The following RBM46 variants were observed in gnomAD, a reference collection of about 807,000 sequenced individuals.
The protein encoded by RBM46 is probable RNA-binding protein 46.
In RBM46, 12 loss-of-function variants were observed where a neutral mutation model predicts 43.3. The ratio of observed to expected loss-of-function variants is 0.28; its 90% CI spans 0.18 to 0.45. The LOEUF (loss-of-function observed/expected upper bound fraction) is 0.45, where lower values mean the gene tolerates loss of function less well. RBM46 is among the 20% of genes least tolerant of loss of function. The probability of loss-of-function intolerance (pLI) is 1.00; values close to 1 mark genes in which losing one functional copy is unlikely to be tolerated. For synonymous variants in RBM46, 205 were observed against 207.6 expected, an observed-to-expected ratio of 0.99 and a Z score of 0.11; for missense variants, 412 against 639.1, an observed-to-expected ratio of 0.64 and a Z score of 3.83.
Position 154,799,556 on chromosome 4 carries a change from T to G in RBM46, c.1394T>G (p.Leu465Arg). The G allele has an allele frequency of 6.5e-7, 1 of 1,537,384 alleles. No individual in the cohort carries two copies. The highest frequency in any genetic ancestry group is 1.3e-5 in the South Asian group (1 of 77,748). Residue 465 changes from leucine (L) to arginine (R), a missense_variant, in exon 4 of 5, where the codon CTT (leucine) becomes CGT (arginine). Physicochemically the swap from Leu to Arg is moderately radical, Grantham distance 102. Transcript: ENST00000281722. ...AKELAAQFTLLHLDYNFHRSS... is the reference protein window; with the variant it reads ...AKELAAQFTLRHLDYNFHRSS... ...GAACTGGCAGCCCAGTTTACATTAC[T>G]TCATTTGGGTAAGTTTAAAAATACT...
intron 4 of RBM46, among the ~76,000 whole-genome samples, chr4:154,820,971 A>G (rs956823999): frequency 2.0e-5 from 3 of 151,814 alleles, no homozygotes; most frequent in East Asian, 1.9e-4. Context: ...TCTAGGATGT[A>G]ATTCATGTAC....
At chr4:154,817,406 C>T (rs1560911437) in intron 4 of RBM46, among the ~76,000 whole-genome samples, 1 of 149,652 alleles carries the variant, frequency 6.7e-6, no homozygotes, top group Non-Finnish European at 1.5e-5. Context: ...GATCTCGGCT[C>T]ACTGCAACCT....
chr4:154,782,823 G>C (rs1317353852), intron 1 of RBM46, among the ~76,000 whole-genome samples: 1 of 152,178 alleles, frequency 6.6e-6, no homozygotes, highest in Non-Finnish European at 1.5e-5. Flanking sequence ...CTGATTTTGT[G>C]TTTGAGAATG....
intron 4 of RBM46, among the ~76,000 whole-genome samples, chr4:154,807,049 C>T (rs904120356): frequency 1.3e-5 from 2 of 151,810 alleles, no homozygotes; most frequent in Non-Finnish European, 3.0e-5. Flanking sequence ...ATAGCAGCTA[C>T]TGCTGTATTA....
intron 4 of RBM46, chr4:154,826,957 T>A: frequency 1.5e-6 from 2 of 1,314,926 alleles, no homozygotes; most frequent in Non-Finnish European, 1.9e-6. Context: ...CTTCCATTCC[T>A]AGAAACACCA....
chr4:154,807,013 A>G (rs1334806091), intron 4 of RBM46, among the ~76,000 whole-genome samples: 1 of 151,798 alleles, frequency 6.6e-6, no homozygotes, highest in Non-Finnish European at 1.5e-5. Flanking sequence ...CGGTCCTAAA[A>G]TACTCCTTCT....
Position 154,828,183 on chromosome 4 carries a change from T to G in RBM46, c.*116T>G. ...TGCATATTTGGTTTTAAAAAGGTAT[T>G]TATTCCAAAGTACTAAACATCAGCT... On this transcript the variant is annotated 3_prime_UTR_variant, in exon 5 of 5. Coordinates refer to ENST00000281722, the MANE Select transcript of RBM46 (RefSeq NM_144979.5). 1.3e-6 allele frequency: 1 copy of G among 754,956 alleles called. No individual in the cohort carries two copies. Among genetic ancestry groups the G allele is most frequent in the Non-Finnish European group, 2.2e-6 (1 of 450,352 alleles). 46.8% of individuals were successfully genotyped at this position (754,956 alleles called of 1,614,324 possible).
At chr4:154,790,355 A>T (rs1326842723) in intron 1 of RBM46, 3 of 152,160 alleles carry the variant, frequency 2.0e-5, no homozygotes, top group African/African-American at 7.2e-5. Flanking sequence ...TGTCCCAGGG[A>T]TTCTGATATG....
chr4:154,784,299 TTAAA>T (rs1733651888), intron 1 of RBM46, among the ~76,000 whole-genome samples: 1 of 152,234 alleles, frequency 6.6e-6, no homozygotes, highest in African/African-American at 2.4e-5. Context: ...CACAGTTCCT[TTAAA>T]TAATTTTCAT....
At chr4:154,818,920 C>T (rs1358173464) in intron 4 of RBM46, among the ~76,000 whole-genome samples, 1 of 152,018 alleles carries the variant, frequency 6.6e-6, no homozygotes, top group Non-Finnish European at 1.5e-5. Flanking sequence ...TTTGTGATTT[C>T]TACTTCCTTC....
At chr4:154,810,187 C>T (rs1423152022) in intron 4 of RBM46, among the ~76,000 whole-genome samples, 1 of 151,780 alleles carries the variant, frequency 6.6e-6, no homozygotes, top group African/African-American at 2.4e-5. Flanking sequence ...TGAAAGCCAG[C>T]CAAGGGTGAG....
chr4:154,806,065 A>T (rs1321184028), intron 4 of RBM46, among the ~76,000 whole-genome samples: 1 of 152,012 alleles, frequency 6.6e-6, no homozygotes, highest in South Asian at 2.1e-4. Context: ...CCAAAATTCC[A>T]TTAACTCAAC....
At chr4:154,792,735 AG>A (rs1278533092) in intron 1 of RBM46, among the ~76,000 whole-genome samples, 1 of 152,222 alleles carries the variant, frequency 6.6e-6, no homozygotes, top group African/African-American at 2.4e-5. Context: ...GAAGGACTAT[AG>A]GAACAATCTA....
In RBM46 at chr4:154,797,930, C is replaced by T. The variant is rs760150726; in HGVS notation, c.271C>T (p.Arg91Ter). The change falls in exon 3 of 5, where the codon CGA becomes TGA. Residue 91 changes from arginine (R) to a stop codon, truncating the protein, a stop_gained. Transcript: ENST00000281722. LOFTEE classifies it high-confidence loss of function. ...AAGAGCTGGGAAGATATATGAATTT[C>T]GACTTATGATGGAATTTAGTGGTGA... ...FERAGKIYEF[R>*]LMMEFSGENR... 6.2e-7 allele frequency: 1 copy of T among 1,612,984 alleles called. No homozygotes were observed. Among genetic ancestry groups the T allele is most frequent in the Non-Finnish European group, 8.5e-7 (1 of 1,179,676 alleles).
In RBM46 at chr4:154,798,764, A is replaced by T. The variant is rs1175809348; in HGVS notation, c.620-18A>T. On this transcript the variant is annotated intron_variant, in intron 3 of 4. Transcript: ENST00000281722. Reference sequence around the variant, plus strand: ...TCTTTATTTTAATTCTCTTCAAATTATTATTTTTTTTTTACAGGAACATTC... The same window carrying T: ...TCTTTATTTTAATTCTCTTCAAATTTTTATTTTTTTTTTACAGGAACATTC... 1 of 1,357,130 alleles carries T rather than the reference A, an allele frequency of 7.4e-7. No homozygotes were observed. The highest frequency in any genetic ancestry group is 9.4e-7 in the Non-Finnish European group (1 of 1,069,474). 84.1% of individuals were successfully genotyped at this position (1,357,130 alleles called of 1,614,324 possible).
Position 154,797,436 on chromosome 4 carries a change from C to T in RBM46, c.152-375C>T, listed in dbSNP as rs116793504. Among the ~76,000 whole-genome samples the T allele has an allele frequency of 7.5e-3, 1,138 of 152,290 alleles. 16 individuals carry two copies. The highest frequency in any genetic ancestry group is 0.025 in the African/African-American group (1,044 of 41,568). ...CTCACGTACATGTTAGCTGTACAGGCTTCCATAATCTATGTTGCTCTGACA... is the reference window on the plus strand; with the variant it reads ...CTCACGTACATGTTAGCTGTACAGGTTTCCATAATCTATGTTGCTCTGACA... On this transcript the variant is annotated intron_variant, in intron 2 of 4. Coordinates refer to ENST00000281722, the MANE Select transcript of RBM46 (RefSeq NM_144979.5).
intron 2 of RBM46, 90 bp downstream of exon 2, chr4:154,796,993 C>A: frequency 9.1e-7 from 1 of 1,099,246 alleles, no homozygotes; most frequent in Non-Finnish European, 1.3e-6. Flanking sequence ...CAAACAATAG[C>A]TCTCTCCTTG....
At chr4:154,811,669 CTG>C (rs70947182) in intron 4 of RBM46, among the ~76,000 whole-genome samples, 1,355 of 130,650 alleles carry the variant, frequency 0.01, 22 homozygotes, top group African/African-American at 0.027. Flanking sequence ...GTGTGTGTGT[CTG>C]TGTGTGTGTG....
chr4:154,786,883 C>T (rs1009892376), intron 1 of RBM46, among the ~76,000 whole-genome samples: 3 of 152,098 alleles, frequency 2.0e-5, no homozygotes, highest in Admixed American at 1.3e-4. Context: ...GCCAAGATTG[C>T]GCCATTGCAC....
Sources: allele counts gnomAD v4.1 joint callset (sites outside exome capture counted in the v4.1 genomes callset), GRCh38; gene constraint gnomAD v4.1.1; transcripts MANE v1.5; gene names NCBI Gene and HGNC (gene_info 2026-07-23, HGNC 2026-07-21).